The following FNDC3B variants were observed in gnomAD, a reference collection of about 807,000 sequenced individuals.
The protein encoded by FNDC3B is fibronectin type III domain-containing protein 3B.
In FNDC3B, 12 loss-of-function variants were observed where a neutral mutation model predicts 151.5. The ratio of observed to expected loss-of-function variants is 0.08; its 90% CI spans 0.05 to 0.13. The LOEUF is 0.13. Ranked by LOEUF, FNDC3B falls within the 10% of genes least tolerant of loss-of-function variation. The pLI is 1.00. For missense variants in FNDC3B, 1,214 were observed against 1,505.3 expected (o/e 0.81, Z 3.20); for synonymous variants, 528 against 549.0 (o/e 0.96, Z 0.54).
intron 2 of FNDC3B, among the ~76,000 whole-genome samples, chr3:172,119,191 AAGAATG>A (rs1277641543): frequency 6.0e-5 from 9 of 151,086 alleles, no homozygotes; most frequent in African/African-American, 2.2e-4. Context: ...AAAAAAAAAA[AAGAATG>A]AGAGGATAGG....
intron 22 of FNDC3B, among the ~76,000 whole-genome samples, chr3:172,358,532 G>A (rs1024940703): frequency 2.0e-5 from 3 of 152,224 alleles, no homozygotes; most frequent in Non-Finnish European, 4.4e-5. Context: ...TTACTTGGAG[G>A]AAGTGGGATC....
At chr3:172,247,452 T>G (rs1215063700) in intron 4 of FNDC3B, 81 bp from the exon 5 acceptor site, 1 of 1,435,916 alleles carries the variant, frequency 7.0e-7, no homozygotes, top group Non-Finnish European at 9.4e-7. Context: ...AAAGTAAAAT[T>G]AAAGTGGAAG....
intron 1 of FNDC3B, among the ~76,000 whole-genome samples, chr3:172,068,260 A>G (rs1021477518): frequency 1.3e-5 from 2 of 152,174 alleles, no homozygotes; most frequent in East Asian, 1.9e-4. Flanking sequence ...TGCCGAGTGA[A>G]TGGGGAAGCG....
intron 3 of FNDC3B, among the ~76,000 whole-genome samples, chr3:172,190,030 A>G (rs577755057): frequency 1.3e-4 from 20 of 152,308 alleles, no homozygotes; most frequent in Admixed American, 1.2e-3. Flanking sequence ...AAGTTCACAG[A>G]ACTAGCAAGA....
Position 172,144,689 on chromosome 3 carries a change from A to G in FNDC3B, c.187+11143A>G, listed in dbSNP as rs1721806792. Among the ~76,000 whole-genome samples, 3 of 147,742 alleles carry G rather than the reference A, an allele frequency of 2.0e-5. No individual in the cohort carries two copies. In the South Asian group the frequency reaches 6.6e-4, roughly 32 times the overall value. On this transcript the variant is annotated intron_variant, in intron 3 of 25. Transcript: ENST00000415807. ...TGGACACACATTAAGAGTAACAAAT[A>G]TGGGTTTAAAAGGCAAACTTTTTTT... is the stretch of plus-strand genomic sequence containing the variant.
intron 2 of FNDC3B, among the ~76,000 whole-genome samples, chr3:172,117,452 G>A (rs915277342): frequency 1.7e-4 from 26 of 152,056 alleles, no homozygotes; most frequent in African/African-American, 5.6e-4. Flanking sequence ...CCAGTTTTGC[G>A]CACAAAAGAA....
chr3:172,364,671 A>G (rs1213879951), intron 23 of FNDC3B, among the ~76,000 whole-genome samples: 1 of 152,226 alleles, frequency 6.6e-6, no homozygotes, highest in African/African-American at 2.4e-5. Context: ...CTCCCCAAGC[A>G]CTTTTCCAAA....
intron 6 of FNDC3B, among the ~76,000 whole-genome samples, chr3:172,262,591 AT>A (rs150307373): frequency 0.12 from 17,686 of 149,694 alleles, 1,075 homozygotes; most frequent in Middle Eastern, 0.19. Flanking sequence ...GAAATTGAGA[AT>A]TTTTTTTTTT....
At chr3:172,058,453 CTTTTTTT>C (rs76956209) in intron 1 of FNDC3B, among the ~76,000 whole-genome samples, 1 of 135,234 alleles carries the variant, frequency 7.4e-6, no homozygotes, top group Non-Finnish European at 1.6e-5. Flanking sequence ...CCTTAATTTT[CTTTTTTT>C]TTTTTTTGTA....
At chr3:172,379,098 A>G (rs911072165) in intron 24 of FNDC3B, among the ~76,000 whole-genome samples, 1 of 152,190 alleles carries the variant, frequency 6.6e-6, no homozygotes, top group African/African-American at 2.4e-5. Flanking sequence ...TCAGCCTGTT[A>G]TATAGCCACA....
In FNDC3B at chr3:172,238,488, C is replaced by G. The variant is rs115095005; in HGVS notation, c.265-9045C>G. ...ACATTTTTAAGTCAAGTAGCTTAAT[C>G]TATAAAATAAAATGTTTGACCACTT... On this transcript the variant is annotated intron_variant, in intron 4 of 25. Transcript: ENST00000415807. Among the ~76,000 whole-genome samples the G allele has an allele frequency of 2.2e-3, 331 of 152,290 alleles. 2 individuals are homozygous for G. The highest frequency in any genetic ancestry group is 7.8e-3 in the African/African-American group (323 of 41,558).
At chr3:172,369,863 GT>G (rs1734801274) in intron 23 of FNDC3B, among the ~76,000 whole-genome samples, 1 of 151,880 alleles carries the variant, frequency 6.6e-6, no homozygotes, top group African/African-American at 2.4e-5. Context: ...AGCACCGTTC[GT>G]TCCCAAATGC....
chr3:172,264,874 C>A (rs1728840985), intron 6 of FNDC3B, among the ~76,000 whole-genome samples: 1 of 152,186 alleles, frequency 6.6e-6, no homozygotes, highest in South Asian at 2.1e-4. Flanking sequence ...GCTAACTGCC[C>A]TTCTTTAATA....
At chr3:172,104,649 C>T (rs1719551293) in intron 1 of FNDC3B, among the ~76,000 whole-genome samples, 1 of 152,126 alleles carries the variant, frequency 6.6e-6, no homozygotes, top group African/African-American at 2.4e-5. Flanking sequence ...ATGCTAATTC[C>T]ACATGGGCAG....
intron 19 of FNDC3B, among the ~76,000 whole-genome samples, chr3:172,344,528 T>C (rs143333218): frequency 1.3e-3 from 203 of 152,350 alleles, no homozygotes; most frequent in Non-Finnish European, 1.8e-3. Context: ...CCTGTAGATA[T>C]TTTCGACAGT....
chr3:172,358,806 T>G (rs552256527), intron 22 of FNDC3B, among the ~76,000 whole-genome samples: 1 of 152,328 alleles, frequency 6.6e-6, no homozygotes, highest in South Asian at 2.1e-4. Flanking sequence ...TCTTTGTAAT[T>G]GCAGAAAAAA....
intron 3 of FNDC3B, among the ~76,000 whole-genome samples, chr3:172,207,184 GTTTAGGT>G (rs1725477221): frequency 6.6e-6 from 1 of 151,946 alleles, no homozygotes; most frequent in African/African-American, 2.4e-5. Context: ...TTTCTGCTTG[GTTTAGGT>G]TTAGTCTGTA....
intron 3 of FNDC3B, among the ~76,000 whole-genome samples, chr3:172,153,579 C>T (rs940608209): frequency 6.6e-6 from 1 of 152,204 alleles, no homozygotes; most frequent in Non-Finnish European, 1.5e-5. Flanking sequence ...GGAACAAATT[C>T]AGAGGGGAAA....
In FNDC3B at chr3:172,307,489, C is replaced by A. The variant is rs756720599; in HGVS notation, c.1188C>A (p.Thr396=). The change falls in exon 10 of 26, where the codon ACC becomes ACA. Residue 396 remains threonine (T), a synonymous_variant. Coordinates refer to ENST00000415807, the MANE Select transcript of FNDC3B (RefSeq NM_022763.4). Reference sequence around the variant, plus strand: ...CACATAGGAGCAAAAGTTCACTAACCCTGCAGTGGAAGGTGGGTAGCTCAA... The same window carrying A: ...CACATAGGAGCAAAAGTTCACTAACACTGCAGTGGAAGGTGGGTAGCTCAA... ...KLAHRSKSSL[T]LQWKAPIDNG... is the part of the protein sequence containing the mutation. The A allele has an allele frequency of 6.2e-7, 1 of 1,614,058 alleles. No individual in the cohort carries two copies. The highest frequency in any genetic ancestry group is 2.2e-5 in the East Asian group (1 of 44,872).
Sources: gnomAD v4.1 joint callset for allele counts (sites outside exome capture counted in the v4.1 genomes callset) on GRCh38, gnomAD v4.1.1 for gene constraint, MANE v1.5 for transcripts, NCBI Gene and HGNC (gene_info 2026-07-23, HGNC 2026-07-21) for gene names.